Variants in THRB observed in about 807,000 individuals in gnomAD.
THRB encodes thyroid hormone receptor beta.
A neutral mutation model predicts 47.8 loss-of-function variants in THRB; 12 were observed. That is an observed-to-expected ratio of 0.25 (90% CI 0.16 to 0.41). The LOEUF is 0.41. THRB is among the 10% of genes least tolerant of loss of function. The pLI is 1.00. For synonymous variants in THRB, 218 were observed against 212.2 expected (o/e 1.03, Z -0.24); for missense variants, 348 against 589.2 (o/e 0.59, Z 4.24).
chr3:24,226,766 C>T (rs926371419), intron 4 of THRB, among the ~76,000 whole-genome samples: 37 of 152,188 alleles, frequency 2.4e-4, no homozygotes, highest in African/African-American at 7.7e-4. Flanking sequence ...CAAGGGTCCA[C>T]AAAGTATGGG....
At chr3:24,233,568 AAAGAAAG>A (rs1368761466) in intron 3 of THRB, among the ~76,000 whole-genome samples, 20 of 38,816 alleles carry the variant, frequency 5.2e-4, no homozygotes, top group African/African-American at 1.6e-3. Context: ...AGGAAGAAAG[AAAGAAAG>A]AAAGAAAGAA....
intron 3 of THRB, among the ~76,000 whole-genome samples, chr3:24,276,819 A>G (rs565350227): frequency 6.6e-6 from 1 of 152,362 alleles, no homozygotes; most frequent in East Asian, 1.9e-4. Context: ...GTATGTGCTC[A>G]GGGAAGCCTG....
chr3:24,320,758 T>A (rs2058432670), intron 2 of THRB, among the ~76,000 whole-genome samples: 1 of 152,134 alleles, frequency 6.6e-6, no homozygotes, highest in Non-Finnish European at 1.5e-5. Flanking sequence ...TTCCAGTCCC[T>A]CAAGAAGTGA....
At chr3:24,431,261 TACACACACA>T (rs1443692997) in intron 1 of THRB, among the ~76,000 whole-genome samples, 38 of 135,794 alleles carry the variant, frequency 2.8e-4, no homozygotes, top group East Asian at 1.3e-3. Context: ...TCTCTCTCTC[TACACACACA>T]CACACACACA....
chr3:24,143,591 G>C lies in THRB; in HGVS notation c.648C>G (p.Asp216Glu), dbSNP rs143993214. The C allele has an allele frequency of 1.2e-6, 2 of 1,614,144 alleles. No individual in the cohort carries two copies. The highest frequency in any genetic ancestry group is 2.2e-5 in the South Asian group (2 of 91,086). ...KSIGHKPEPT[D>E]EEWELIKTVT... ...CAGTTTTGATGAGCTCCCATTCCTCGTCTGTGGGCTCTGGCTTGTGCCCGA... is the reference window on the plus strand; with the variant it reads ...CAGTTTTGATGAGCTCCCATTCCTCCTCTGTGGGCTCTGGCTTGTGCCCGA... The change falls in exon 8 of 11, where the codon GAC (aspartate) becomes GAG (glutamate). Residue 216 changes from aspartate (D) to glutamate (E), a missense_variant. Around this residue, in one of 5 missense-constraint regions of THRB, gnomAD observed 112 missense variants for 212.3 expected, o/e 0.53. Coordinates refer to ENST00000646209, the MANE Select transcript of THRB (RefSeq NM_001354712.2).
chr3:24,258,918 G>A (rs1271797507), intron 3 of THRB, among the ~76,000 whole-genome samples: 1 of 152,172 alleles, frequency 6.6e-6, no homozygotes, highest in East Asian at 1.9e-4. Context: ...TTTCTAGAGT[G>A]TAGAGTTGGA....
At chr3:24,160,596 C>T (rs899329513) in intron 5 of THRB, among the ~76,000 whole-genome samples, 3 of 152,190 alleles carry the variant, frequency 2.0e-5, no homozygotes, top group South Asian at 2.1e-4. Context: ...CCAAGGACAG[C>T]GCACGGGAAG....
At position 24,396,174 on chromosome 3, in the gene THRB, T is replaced by C. The variant is rs545506104; in HGVS notation, c.-260-58803A>G. ...AGGCATATATATATATATAGGCATA[T>C]ATATATTTTTTCTATATATACACAC... On this transcript the variant is annotated intron_variant, in intron 1 of 10. Coordinates refer to ENST00000646209, the MANE Select transcript of THRB (RefSeq NM_001354712.2). Among the ~76,000 whole-genome samples the C allele has an allele frequency of 3.9e-5, 6 of 152,178 alleles. No individual in the cohort carries two copies. In the East Asian group the frequency reaches 7.8e-4, roughly 20 times the overall value.
chr3:24,432,941 T>C (rs1351824135), intron 1 of THRB, among the ~76,000 whole-genome samples: 1 of 152,108 alleles, frequency 6.6e-6, no homozygotes, highest in East Asian at 1.9e-4. Context: ...TAATGGTTTA[T>C]ATTTTATAAT....
intron 2 of THRB, among the ~76,000 whole-genome samples, chr3:24,306,399 C>T (rs926334512): frequency 1.4e-4 from 21 of 152,308 alleles, no homozygotes; most frequent in Non-Finnish European, 2.8e-4. Flanking sequence ...GCTCTGGTTC[C>T]TCACAGTGAG....
chr3:24,255,520 C>G (rs1368153610), intron 3 of THRB, among the ~76,000 whole-genome samples: 2 of 152,146 alleles, frequency 1.3e-5, no homozygotes, highest in Non-Finnish European at 2.9e-5. Context: ...AATGTGGGCT[C>G]TCACTTAGAT....
intron 1 of THRB, among the ~76,000 whole-genome samples, chr3:24,400,796 C>CAT (rs2150076029): frequency 1.3e-5 from 2 of 152,192 alleles, no homozygotes; most frequent in South Asian, 4.1e-4. Flanking sequence ...ATCCGTGATT[C>CAT]ATATACCTTT....
chr3:24,260,913 C>T (rs756503340), intron 3 of THRB, among the ~76,000 whole-genome samples: 5 of 152,172 alleles, frequency 3.3e-5, no homozygotes, highest in South Asian at 2.1e-4. Flanking sequence ...ATCACCCAGA[C>T]GGTTTGTTAA....
intron 1 of THRB, among the ~76,000 whole-genome samples, chr3:24,363,823 G>A (rs927356874): frequency 9.2e-5 from 14 of 152,046 alleles, no homozygotes; most frequent in Admixed American, 6.6e-5. Context: ...TATTCGGCTC[G>A]TGGCAAAATC....
chr3:24,268,751 T>G (rs1173155128), intron 3 of THRB, among the ~76,000 whole-genome samples: 1 of 152,208 alleles, frequency 6.6e-6, no homozygotes, highest in East Asian at 1.9e-4. Flanking sequence ...GCCTGTTATC[T>G]CTGGGTGTTA....
intron 2 of THRB, among the ~76,000 whole-genome samples, chr3:24,316,568 A>G (rs1302766682): frequency 6.6e-6 from 1 of 151,972 alleles, no homozygotes; most frequent in African/African-American, 2.4e-5. Context: ...CCTAGAGTCT[A>G]CACAACCTAC....
At chr3:24,319,604 G>A (rs959892844) in intron 2 of THRB, among the ~76,000 whole-genome samples, 1 of 152,214 alleles carries the variant, frequency 6.6e-6, no homozygotes, top group Admixed American at 6.5e-5. Context: ...GCAAACTTCA[G>A]TGTTGCTGGA....
chr3:24,384,874 C>T (rs887593305), intron 1 of THRB, among the ~76,000 whole-genome samples: 1 of 152,052 alleles, frequency 6.6e-6, no homozygotes, highest in Non-Finnish European at 1.5e-5. Context: ...AGGAGGTAGC[C>T]TCCTGGGTTT....
intron 2 of THRB, among the ~76,000 whole-genome samples, chr3:24,300,107 A>T (rs569961574): frequency 2.6e-5 from 4 of 151,996 alleles, no homozygotes; most frequent in African/African-American, 9.7e-5. Context: ...ACACTTTGCT[A>T]CTCCTGGAAT....
Sources: gnomAD v4.1 joint callset for allele counts (sites outside exome capture counted in the v4.1 genomes callset) on GRCh38, gnomAD v4.1.1 for gene constraint, gnomAD v4.1.1 regional missense constraint, MANE v1.5 for transcripts, NCBI Gene and HGNC (gene_info 2026-07-23, HGNC 2026-07-21) for gene names.